Variants in MACROD2 observed in about 807,000 individuals in gnomAD.
MACROD2 encodes ADP-ribose glycohydrolase MACROD2.
Under a neutral mutation model 70.4 loss-of-function variants are expected in MACROD2, and 36 were observed. The observed-to-expected ratio is 0.51, with a 90% CI of 0.39 to 0.68. MACROD2 has a LOEUF of 0.68. Ranked by LOEUF, MACROD2 falls within the 30% of genes least tolerant of loss-of-function variation. MACROD2 has a pLI of 0.00. For missense variants in MACROD2, 496 were observed against 538.4 expected (o/e 0.92, Z 0.78); for synonymous variants, 172 against 178.8 (o/e 0.96, Z 0.30).
At chr20:14,717,909 T>G (rs2071415107) in intron 5 of MACROD2, among the ~76,000 whole-genome samples, 1 of 152,056 alleles carries the variant, frequency 6.6e-6, no homozygotes, top group African/African-American at 2.4e-5. Context: ...AAGAAATAAT[T>G]GTTCTCCCTA....
chr20:15,286,938 C>T (rs547916804), intron 6 of MACROD2, among the ~76,000 whole-genome samples: 1 of 152,098 alleles, frequency 6.6e-6, no homozygotes, highest in Non-Finnish European at 1.5e-5. Context: ...AGAGTGAACT[C>T]TCCCTAAAAT....
intron 10 of MACROD2, among the ~76,000 whole-genome samples, chr20:15,892,742 C>CT (rs2064908702): frequency 6.6e-6 from 1 of 152,226 alleles, no homozygotes; most frequent in Non-Finnish European, 1.5e-5. Context: ...AAGTTTAAGT[C>CT]TATGTAGGTT....
chr20:16,024,828 G>A (rs537411256), intron 15 of MACROD2, among the ~76,000 whole-genome samples: 66 of 152,170 alleles, frequency 4.3e-4, no homozygotes, highest in Middle Eastern at 6.8e-3. Flanking sequence ...TTTTTTTTAC[G>A]AGCAAAAATG....
intron 15 of MACROD2, among the ~76,000 whole-genome samples, chr20:16,035,073 A>T (rs1223054922): frequency 2.5e-4 from 5 of 20,360 alleles, no homozygotes; most frequent in East Asian, 2.6e-3. Flanking sequence ...TTATATATAA[A>T]ATATAATATG....
chr20:15,767,750 G>A (rs1029299043), intron 8 of MACROD2, among the ~76,000 whole-genome samples: 3 of 152,048 alleles, frequency 2.0e-5, no homozygotes, highest in Non-Finnish European at 2.9e-5. Flanking sequence ...GTCTGAAATT[G>A]TTTCTCTCTG....
chr20:15,852,478 C>T (rs1292459818), intron 8 of MACROD2, among the ~76,000 whole-genome samples: 1 of 152,212 alleles, frequency 6.6e-6, no homozygotes, highest in Non-Finnish European at 1.5e-5. Context: ...CCAAACATCT[C>T]TGGGAACATG....
intron 8 of MACROD2, among the ~76,000 whole-genome samples, chr20:15,800,709 C>G (rs983251459): frequency 6.6e-6 from 1 of 151,962 alleles, no homozygotes; most frequent in Non-Finnish European, 1.5e-5. Context: ...TCATTGAGAA[C>G]AGGCCATGAT....
intron 15 of MACROD2, among the ~76,000 whole-genome samples, chr20:15,992,562 C>T (rs1432875070): frequency 6.6e-6 from 1 of 152,178 alleles, no homozygotes; most frequent in African/African-American, 2.4e-5. Context: ...AGGGTCAATA[C>T]TTGTAATTAA....
chr20:15,497,254 T>C (rs547233406), intron 7 of MACROD2, among the ~76,000 whole-genome samples: 252 of 152,172 alleles, frequency 1.7e-3, no homozygotes, highest in Non-Finnish European at 2.5e-3. Context: ...AGGCCTCCTA[T>C]GGTTAATCCC....
At chr20:15,343,133 C>T (rs2078128033) in intron 6 of MACROD2, among the ~76,000 whole-genome samples, 1 of 152,150 alleles carries the variant, frequency 6.6e-6, no homozygotes, top group East Asian at 1.9e-4. Flanking sequence ...CCTTTTGGGG[C>T]TCCGGATCAG....
intron 15 of MACROD2, among the ~76,000 whole-genome samples, chr20:15,990,245 G>A (rs2066539756): frequency 6.6e-6 from 1 of 152,120 alleles, no homozygotes; most frequent in Non-Finnish European, 1.5e-5. Flanking sequence ...ACGTCATTTA[G>A]GTTAATAACC....
intron 3 of MACROD2, among the ~76,000 whole-genome samples, chr20:14,246,643 TAGA>T (rs1048666788): frequency 1.3e-5 from 2 of 152,180 alleles, no homozygotes; most frequent in African/African-American, 4.8e-5. Context: ...GTGAAACAGG[TAGA>T]AGAAGATGTG....
chr20:14,222,035 G>A (rs2081679547), intron 3 of MACROD2, among the ~76,000 whole-genome samples: 1 of 152,204 alleles, frequency 6.6e-6, no homozygotes, highest in Non-Finnish European at 1.5e-5. Flanking sequence ...ACTATTGGTA[G>A]GAATGTAAAT....
At chr20:14,095,653 CT>C (rs1286093127) in intron 3 of MACROD2, among the ~76,000 whole-genome samples, 3 of 152,068 alleles carry the variant, frequency 2.0e-5, no homozygotes, top group Non-Finnish European at 2.9e-5. Flanking sequence ...CTTAGTTGAC[CT>C]TTTGGCTCTT....
intron 5 of MACROD2, among the ~76,000 whole-genome samples, chr20:14,974,292 G>A (rs2122812577): frequency 6.6e-6 from 1 of 152,214 alleles, no homozygotes; most frequent in South Asian, 2.1e-4. Context: ...AGCTTTGGAG[G>A]GCACCGATGT....
chr20:14,407,110 T>C (rs1568598188), intron 3 of MACROD2, among the ~76,000 whole-genome samples: 1 of 53,526 alleles, frequency 1.9e-5, no homozygotes, highest in Non-Finnish European at 3.7e-5. Flanking sequence ...GATATTACTC[T>C]AGTGGCAATG....
At chr20:15,850,628 T>C (rs902435586) in intron 8 of MACROD2, among the ~76,000 whole-genome samples, 5 of 152,198 alleles carry the variant, frequency 3.3e-5, no homozygotes, top group Non-Finnish European at 7.3e-5. Context: ...TTAGGCAAGA[T>C]AGACATCTGC....
At chr20:14,168,865 T>C (rs2081194081) in intron 3 of MACROD2, among the ~76,000 whole-genome samples, 1 of 152,096 alleles carries the variant, frequency 6.6e-6, no homozygotes, top group Admixed American at 6.6e-5. Flanking sequence ...AAAGCCAGTG[T>C]CTCCCTAATA....
At chr20:14,259,641 A>G (rs1468599196) in intron 3 of MACROD2, among the ~76,000 whole-genome samples, 1 of 152,244 alleles carries the variant, frequency 6.6e-6, no homozygotes, top group Non-Finnish European at 1.5e-5. Flanking sequence ...TGGGGACCCA[A>G]AAATGAATGA....
Sources: allele counts gnomAD v4.1 joint callset (sites outside exome capture counted in the v4.1 genomes callset), GRCh38; gene constraint gnomAD v4.1.1; transcripts MANE v1.5; gene names NCBI Gene and HGNC (gene_info 2026-07-23, HGNC 2026-07-21).